The following CLYBL variants were observed in gnomAD, a reference collection of about 807,000 sequenced individuals.
CLYBL encodes citramalyl-CoA lyase, mitochondrial.
CLYBL carries 31 observed loss-of-function variants against 38.9 expected under a neutral mutation model. That is an observed-to-expected ratio of 0.80 (90% confidence interval 0.60 to 1.08). The LOEUF is 1.08. CLYBL is among the 50% of genes least tolerant of loss of function. CLYBL has a pLI of 0.00. For missense variants in CLYBL, 434 were observed against 411.6 expected (o/e 1.05, Z -0.47); for synonymous variants, 171 against 158.6 (o/e 1.08, Z -0.59).
Position 99,860,971 on chromosome 13 carries a change from G to C in CLYBL, c.438+1922G>C, listed in dbSNP as rs370558800. Among the ~76,000 whole-genome samples the C allele has an allele frequency of 2.0e-5, 3 of 152,346 alleles. No homozygotes were observed. In the East Asian group the frequency reaches 5.8e-4, roughly 29 times the overall value. Reference sequence around the variant, plus strand: ...ACAATTCTCCCACAAATCCCGAACAGTGTGCATTCTTCCAACACACTATTG... The same window carrying C: ...ACAATTCTCCCACAAATCCCGAACACTGTGCATTCTTCCAACACACTATTG... On this transcript the variant is annotated intron_variant, in intron 3 of 8. Transcript: ENST00000339105.
intron 2 of CLYBL, among the ~76,000 whole-genome samples, chr13:99,822,113 A>G (rs919493766): frequency 6.6e-5 from 10 of 152,194 alleles, no homozygotes; most frequent in Admixed American, 3.9e-4. Context: ...CCACCAGATA[A>G]CTGTACCCAC....
chr13:99,642,478 G>A (rs1331187983), intron 1 of CLYBL, among the ~76,000 whole-genome samples: 2 of 150,900 alleles, frequency 1.3e-5, no homozygotes, highest in African/African-American at 2.4e-5. Flanking sequence ...GCAGTGGCAC[G>A]ATCACAGCTC....
At chr13:99,707,474 G>A (rs745705117) in intron 1 of CLYBL, among the ~76,000 whole-genome samples, 4 of 152,010 alleles carry the variant, frequency 2.6e-5, no homozygotes, top group African/African-American at 7.3e-5. Context: ...GGATTTCACC[G>A]TGTTGGCCAG....
At chr13:99,862,046 T>C (rs1023584378) in intron 3 of CLYBL, among the ~76,000 whole-genome samples, 1 of 152,138 alleles carries the variant, frequency 6.6e-6, no homozygotes, top group Non-Finnish European at 1.5e-5. Flanking sequence ...TCTTTGATGG[T>C]TTATATTTAT....
intron 7 of CLYBL, among the ~76,000 whole-genome samples, chr13:99,883,080 T>C (rs922401689): frequency 2.0e-5 from 3 of 152,102 alleles, no homozygotes; most frequent in Non-Finnish European, 4.4e-5. Flanking sequence ...GTGGTTCAAC[T>C]TCCTCTGCTT....
At chr13:99,871,947 T>C (rs2051912259) in intron 7 of CLYBL, among the ~76,000 whole-genome samples, 1 of 151,096 alleles carries the variant, frequency 6.6e-6, no homozygotes, top group Non-Finnish European at 1.5e-5. Context: ...AGAAAGAATA[T>C]TGAAAATTTA....
intron 2 of CLYBL, among the ~76,000 whole-genome samples, chr13:99,814,337 G>T (rs2050399428): frequency 6.6e-6 from 1 of 152,172 alleles, no homozygotes. Context: ...AGATCATGTA[G>T]TCAGAAACAG....
At chr13:99,840,447 ATTAAAAATAAAT>A (rs1284624957) in intron 2 of CLYBL, among the ~76,000 whole-genome samples, 1 of 152,036 alleles carries the variant, frequency 6.6e-6, no homozygotes, top group Non-Finnish European at 1.5e-5. Flanking sequence ...GCCTGTCTCT[ATTAAAAATAAAT>A]TTAACAAAAA....
chr13:99,641,737 G>A (rs890615274), intron 1 of CLYBL, among the ~76,000 whole-genome samples: 121 of 152,096 alleles, frequency 8.0e-4, no homozygotes, highest in African/African-American at 2.8e-3. Context: ...GCGTGAACCC[G>A]GGAGGTGGAG....
intron 1 of CLYBL, among the ~76,000 whole-genome samples, chr13:99,607,176 C>T (rs536162023): frequency 6.0e-5 from 9 of 148,934 alleles, no homozygotes; most frequent in African/African-American, 2.0e-4. Context: ...TTGAGGACCC[C>T]CCAAAGCTTT....
At chr13:99,903,163 G>A (rs2052659747) in intron 8 of CLYBL, among the ~76,000 whole-genome samples, 1 of 152,214 alleles carries the variant, frequency 6.6e-6, no homozygotes, top group Non-Finnish European at 1.5e-5. Context: ...CATCTCCAAA[G>A]TTGAACTACA....
chr13:99,710,001 G>A (rs567878238), intron 1 of CLYBL, among the ~76,000 whole-genome samples: 1 of 139,782 alleles, frequency 7.2e-6, no homozygotes, highest in South Asian at 2.2e-4. Flanking sequence ...TGGGCTCACT[G>A]CAAGCTCCGC....
chr13:99,891,467 A>C, intron 8 of CLYBL, 30 bp downstream of exon 8: 1 of 1,290,056 alleles, frequency 7.8e-7, no homozygotes, highest in Non-Finnish European at 1.1e-6. Flanking sequence ...TGGGGTTCTT[A>C]AAGACAAACC....
chr13:99,720,410 C>T (rs530338482), intron 1 of CLYBL, among the ~76,000 whole-genome samples: 7 of 152,116 alleles, frequency 4.6e-5, no homozygotes, highest in African/African-American at 9.6e-5. Context: ...AATGAGACAA[C>T]ATTATAATTG....
At chr13:99,905,776 T>C (rs923736845) in intron 9 of CLYBL, among the ~76,000 whole-genome samples, 4 of 151,972 alleles carry the variant, frequency 2.6e-5, no homozygotes, top group Admixed American at 6.6e-5. Context: ...GTGGTTGTGG[T>C]TGTTTTTGAG....
At chr13:99,858,594 G>A (rs960120781) in intron 2 of CLYBL, among the ~76,000 whole-genome samples, 1 of 152,204 alleles carries the variant, frequency 6.6e-6, no homozygotes, top group Non-Finnish European at 1.5e-5. Context: ...TAATGAGAAA[G>A]ACGACACTTC....
intron 1 of CLYBL, among the ~76,000 whole-genome samples, chr13:99,729,390 G>T (rs540076603): frequency 1.1e-4 from 17 of 152,302 alleles, no homozygotes; most frequent in Admixed American, 1.1e-3. Context: ...CTATGCTGAA[G>T]GAAAAGACAT....
intron 2 of CLYBL, among the ~76,000 whole-genome samples, chr13:99,800,936 GC>G (rs2050123254): frequency 2.0e-5 from 3 of 149,936 alleles, no homozygotes; most frequent in Admixed American, 6.6e-5. Context: ...TTGGGTTTCT[GC>G]CCCCTTGCTT....
chr13:99,877,600 A>G (rs1448742356), intron 7 of CLYBL: 8 of 277,820 alleles, frequency 2.9e-5, no homozygotes, highest in African/African-American at 9.2e-5. Context: ...TTTTTAAGAC[A>G]GTGTCTTGCT....
Sources: allele counts gnomAD v4.1 joint callset (sites outside exome capture counted in the v4.1 genomes callset), GRCh38; gene constraint gnomAD v4.1.1; transcripts MANE v1.5; gene names NCBI Gene and HGNC (gene_info 2026-07-23, HGNC 2026-07-21).